ACACA: variants seen among roughly 807,000 people sequenced by gnomAD.
ACACA encodes acetyl-CoA carboxylase 1.
In ACACA, 103 loss-of-function variants were observed where a neutral mutation model predicts 296.1. That is an observed-to-expected ratio of 0.35 (90% CI 0.30 to 0.41). ACACA has a LOEUF of 0.41. Ranked by LOEUF, ACACA falls within the 10% of genes least tolerant of loss-of-function variation. ACACA has a pLI of 1.00. For missense variants in ACACA, 1,554 were observed against 2,989.7 expected, an observed-to-expected ratio of 0.52 and a Z score of 11.20; for synonymous variants, 953 against 1,038.6, an observed-to-expected ratio of 0.92 and a Z score of 1.58.
At chr17:37,288,185 AT>A (rs981700762) in intron 3 of ACACA, among the ~76,000 whole-genome samples, 1 of 152,088 alleles carries the variant, frequency 6.6e-6, no homozygotes, top group African/African-American at 2.4e-5. Flanking sequence ...GTTTTGTTTC[AT>A]TTTTTTAATC....
chr17:37,085,748 C>G lies in ACACA; in HGVS notation c.*1568G>C, dbSNP rs1158589586. 2.5e-6 allele frequency: 1 copy of G among 399,154 alleles called. No homozygotes were observed. The highest frequency in any genetic ancestry group is 2.1e-5 in the African/African-American group (1 of 48,614). 24.7% of individuals were successfully genotyped at this position (399,154 alleles called of 1,614,324 possible). A position where few individuals can be genotyped will look rare whatever the true frequency, so the allele number is the denominator to read the frequency against. On this transcript the variant is annotated 3_prime_UTR_variant, in exon 56 of 56. Coordinates refer to ENST00000616317, the MANE Select transcript of ACACA (RefSeq NM_198834.3). Reference sequence around the variant, plus strand: ...GAAAAGTCCAGCCAATCTATCCGCACAGATTCCTCCTGAAGAAGGGGAGGT... The same window carrying G: ...GAAAAGTCCAGCCAATCTATCCGCAGAGATTCCTCCTGAAGAAGGGGAGGT...
At chr17:37,272,708 C>A (rs1000801692) in intron 9 of ACACA, among the ~76,000 whole-genome samples, 1 of 151,384 alleles carries the variant, frequency 6.6e-6, no homozygotes, top group African/African-American at 2.4e-5. Context: ...AAGTAAGGAG[C>A]GGGGAGGTAG....
At chr17:37,278,102 G>C (rs959847793) in intron 5 of ACACA, 97 bp from the exon 6 acceptor site, 26 of 871,628 alleles carry the variant, frequency 3.0e-5, no homozygotes, top group Non-Finnish European at 4.4e-5. Context: ...ACTATCATAA[G>C]TAACCACAGG....
chr17:37,212,230 T>G (rs565774881), intron 29 of ACACA, among the ~76,000 whole-genome samples: 1 of 152,288 alleles, frequency 6.6e-6, no homozygotes, highest in East Asian at 1.9e-4. Context: ...TAAAATAATC[T>G]AACTGCTTCT....
chr17:37,330,238 A>C lies in ACACA; in HGVS notation c.273T>G (p.Val91=), dbSNP rs200810636. The change falls in exon 3 of 56, where the codon GTT becomes GTG. Residue 91 remains valine, a synonymous_variant. Coordinates refer to ENST00000616317, the MANE Select transcript of ACACA (RefSeq NM_198834.3). ...CCAAATCAGAGAGTGTATCTGAGCC[A>C]ACAGAAGCAGGTGACAAGGAGCCCT... ...EKEGSLSPAS[V]GSDTLSDLGI... is the part of the protein sequence containing the mutation. 6.2e-7 allele frequency: 1 copy of C among 1,614,192 alleles called. No homozygotes were observed. The highest frequency in any genetic ancestry group is 2.2e-5 in the East Asian group (1 of 44,880).
At chr17:37,192,456 C>T (rs1000489905) in intron 36 of ACACA, 151 bp from the exon 37 acceptor site, 1 of 729,520 alleles carries the variant, frequency 1.4e-6, no homozygotes, top group Non-Finnish European at 2.3e-6. Flanking sequence ...AAGGCTAATG[C>T]TACAGCTTAC....
At chr17:37,296,875 C>A (rs934865986) in intron 3 of ACACA, among the ~76,000 whole-genome samples, 7 of 151,486 alleles carry the variant, frequency 4.6e-5, no homozygotes, top group African/African-American at 1.7e-4. Flanking sequence ...TACCACCACA[C>A]CCGGCTAATT....
At chr17:37,389,481 G>A in intron 1 of ACACA, 2 of 1,365,140 alleles carry the variant, frequency 1.5e-6, no homozygotes, top group Non-Finnish European at 2.0e-6. Context: ...TGGATCACCT[G>A]AGGTGATCGA....
At chr17:37,247,889 T>A in intron 18 of ACACA, 122 bp downstream of exon 18, 2 of 793,704 alleles carry the variant, frequency 2.5e-6, no homozygotes, top group Non-Finnish European at 3.5e-6. Flanking sequence ...CATGTACTAT[T>A]TTTTTTTTTT....
intron 10 of ACACA, 79 bp from the exon 11 acceptor site, chr17:37,263,973 T>G: frequency 8.4e-7 from 1 of 1,195,090 alleles, no homozygotes; most frequent in Non-Finnish European, 1.2e-6. Flanking sequence ...CTACTTTGAT[T>G]TCAACAAGCA....
At position 37,085,574 on chromosome 17, in the gene ACACA, G is replaced by A. The variant is rs754880790; in HGVS notation, c.*1742C>T. ...AATGGTCAATGCATTTTCCTGGACT[G>A]AGAATTGTCCCCCACCACTTTATGC... On this transcript the variant is annotated 3_prime_UTR_variant, in exon 56 of 56. Transcript: ENST00000616317. 3 of 398,642 alleles carry A rather than the reference G, an allele frequency of 7.5e-6. No homozygotes were observed. The highest frequency in any genetic ancestry group is 7.1e-5 in the East Asian group (2 of 28,086). The allele number at this position is 398,642 out of a possible 1,614,324, so 24.7% of individuals were successfully genotyped here. A position where few individuals can be genotyped will look rare whatever the true frequency, so the allele number is the denominator to read the frequency against.
rs1567868400 is a variant in ACACA, at chr17:37,242,071, G to A, written c.2932-18C>T. 8.7e-6 allele frequency: 14 copies of A among 1,605,542 alleles called. No homozygotes were observed. The highest frequency in any genetic ancestry group is 1.3e-5 in the African/African-American group (1 of 74,630). On this transcript the variant is annotated intron_variant, in intron 22 of 55. Transcript: ENST00000616317. ...TTTGCAATCTAAGGTATAAAAAAGGGAAAAAAATGAGGCCCAACCCAACAA... is the reference window on the plus strand; with the variant it reads ...TTTGCAATCTAAGGTATAAAAAAGGAAAAAAAATGAGGCCCAACCCAACAA...
chr17:37,321,282 T>C (rs1204215898), intron 3 of ACACA, among the ~76,000 whole-genome samples: 1 of 152,164 alleles, frequency 6.6e-6, no homozygotes, highest in Non-Finnish European at 1.5e-5. Flanking sequence ...CTTGACACTA[T>C]TACTGCCCAA....
chr17:37,128,554 A>G (rs1354324281), intron 47 of ACACA, among the ~76,000 whole-genome samples: 2 of 152,248 alleles, frequency 1.3e-5, no homozygotes, highest in Non-Finnish European at 2.9e-5. Flanking sequence ...TTCCTCACAT[A>G]GTTTGAAAAA....
chr17:37,400,789 T>C (rs1403126633), intron 1 of ACACA, among the ~76,000 whole-genome samples: 8 of 152,110 alleles, frequency 5.3e-5, no homozygotes, highest in Admixed American at 4.6e-4. Context: ...TCTTTATTCA[T>C]TCATCCATTG....
At chr17:37,277,844 TA>T in intron 6 of ACACA, 51 bp downstream of exon 6, 2 of 1,405,946 alleles carry the variant, frequency 1.4e-6, no homozygotes, top group South Asian at 2.3e-5. Context: ...CCCTTGTGCC[TA>T]ACTATAAAAT....
intron 43 of ACACA, among the ~76,000 whole-genome samples, chr17:37,153,248 G>GA (rs1354984080): frequency 6.6e-6 from 1 of 152,118 alleles, no homozygotes; most frequent in Admixed American, 6.5e-5. Context: ...AGAGTAGCAA[G>GA]AAAAAATGCA....
intron 3 of ACACA, among the ~76,000 whole-genome samples, chr17:37,304,401 C>A (rs911977157): frequency 1.3e-5 from 2 of 152,092 alleles, no homozygotes; most frequent in Admixed American, 6.5e-5. Context: ...AGGAAATCCA[C>A]CCCGCTTGCC....
Position 37,137,430 on chromosome 17 carries a change from T to C in ACACA, c.5680-7212A>G, listed in dbSNP as rs988359696. ...ATTTTATTTTTTCCTTTAGAACACA[T>C]GAAAGGCCTATTATTGTCTTTTAGC... On this transcript the variant is annotated intron_variant, in intron 45 of 55. Transcript: ENST00000616317. 2.0e-5 allele frequency among the ~76,000 whole-genome samples: 3 copies of C among 152,124 alleles called. No homozygotes were observed. In the South Asian group the frequency reaches 6.2e-4, roughly 32 times the overall value.
Sources: allele counts gnomAD v4.1 joint callset (sites outside exome capture counted in the v4.1 genomes callset), GRCh38; gene constraint gnomAD v4.1.1; transcripts MANE v1.5; gene names NCBI Gene and HGNC (gene_info 2026-07-23, HGNC 2026-07-21).